Variants in KCNN2 observed in about 807,000 individuals in gnomAD.
KCNN2 encodes the protein potassium calcium-activated channel subfamily N member 2, also known as small conductance calcium-activated potassium channel protein 2.
A neutral mutation model predicts 55.5 loss-of-function variants in KCNN2; 24 were observed. The observed-to-expected ratio is 0.43, with a 90% CI of 0.31 to 0.61. KCNN2 has a LOEUF of 0.61. Among genes scored for constraint, KCNN2 ranks in the 20% least tolerant of loss-of-function variants. The pLI is 0.08. For missense variants in KCNN2, 754 were observed against 853.6 expected, an observed-to-expected ratio of 0.88 and a Z score of 1.45; for synonymous variants, 431 against 336.1, an observed-to-expected ratio of 1.28 and a Z score of -3.09.
At chr5:114,486,570 A>G in intron 5 of KCNN2, 1 of 298,188 alleles carries the variant, frequency 3.4e-6, no homozygotes, top group Non-Finnish European at 6.5e-6. Flanking sequence ...GGAGGCTATC[A>G]GTGCTGGATG....
At chr5:114,273,950 C>G (rs1054091879) in intron 2 of KCNN2, among the ~76,000 whole-genome samples, 2 of 152,160 alleles carry the variant, frequency 1.3e-5, no homozygotes, top group East Asian at 3.9e-4. Flanking sequence ...TGGTATTGCC[C>G]AGGTTTTCTT....
chr5:114,167,668 A>G (rs148972701), intron 1 of KCNN2, among the ~76,000 whole-genome samples: 195 of 152,242 alleles, frequency 1.3e-3, no homozygotes, highest in African/African-American at 4.3e-3. Flanking sequence ...GACCTGCCCC[A>G]TTTCAAAAAG....
chr5:114,219,610 A>G (rs1463496795), intron 1 of KCNN2, among the ~76,000 whole-genome samples: 1 of 152,038 alleles, frequency 6.6e-6, no homozygotes, highest in Admixed American at 6.6e-5. Context: ...GGGTTTTTAT[A>G]GGCACAGGAT....
At chr5:114,146,240 G>A (rs1752395636) in intron 1 of KCNN2, among the ~76,000 whole-genome samples, 1 of 152,112 alleles carries the variant, frequency 6.6e-6, no homozygotes, top group African/African-American at 2.4e-5. Flanking sequence ...AATTTAACAT[G>A]AGCAATGCCA....
intron 1 of KCNN2, among the ~76,000 whole-genome samples, chr5:114,081,453 T>A (rs1358180086): frequency 6.6e-6 from 1 of 152,172 alleles, no homozygotes; most frequent in Non-Finnish European, 1.5e-5. Flanking sequence ...ACCAATGGAA[T>A]AGAATAGAGC....
intron 4 of KCNN2, among the ~76,000 whole-genome samples, chr5:114,469,856 G>C (rs1025428554): frequency 1.3e-5 from 2 of 152,054 alleles, no homozygotes; most frequent in African/African-American, 4.8e-5. Context: ...ATTCTCTTAC[G>C]ATTTATTAAT....
At chr5:114,230,023 C>T (rs1195872945) in intron 2 of KCNN2, among the ~76,000 whole-genome samples, 1 of 151,912 alleles carries the variant, frequency 6.6e-6, no homozygotes, top group East Asian at 1.9e-4. Flanking sequence ...AACGAATAGA[C>T]CTAAAGGTGA....
At chr5:114,418,544 A>G (rs1759375555) in intron 3 of KCNN2, among the ~76,000 whole-genome samples, 2 of 150,612 alleles carry the variant, frequency 1.3e-5, no homozygotes, top group African/African-American at 4.9e-5. Flanking sequence ...AGCTGCCATC[A>G]TTGTCTGGGA....
chr5:114,441,308 A>C (rs1293517828), intron 3 of KCNN2, among the ~76,000 whole-genome samples: 1 of 152,236 alleles, frequency 6.6e-6, no homozygotes, highest in African/African-American at 2.4e-5. Flanking sequence ...TGATTTGAAT[A>C]ACACAGTTAA....
At chr5:114,069,694 G>A (rs1750527122) in intron 1 of KCNN2, among the ~76,000 whole-genome samples, 1 of 152,150 alleles carries the variant, frequency 6.6e-6, no homozygotes, top group Non-Finnish European at 1.5e-5. Flanking sequence ...TTCCAGTCCT[G>A]CCTCTACAGG....
At chr5:114,488,587 C>G (rs1747689168) in intron 6 of KCNN2, among the ~76,000 whole-genome samples, 2 of 152,082 alleles carry the variant, frequency 1.3e-5, no homozygotes, top group South Asian at 4.1e-4. Flanking sequence ...ATCTTGATTC[C>G]TTGAAGTTTA....
intron 1 of KCNN2, among the ~76,000 whole-genome samples, chr5:114,093,529 A>T (rs565785917): frequency 1.3e-5 from 2 of 152,210 alleles, no homozygotes; most frequent in South Asian, 4.2e-4. Context: ...CCATTTCCAT[A>T]CTGCTATAAA....
At chr5:114,370,139 AATT>A (rs1470033171) in intron 2 of KCNN2, among the ~76,000 whole-genome samples, 1 of 152,098 alleles carries the variant, frequency 6.6e-6, no homozygotes, top group Non-Finnish European at 1.5e-5. Context: ...GAGGGATCTT[AATT>A]ATTATTGGGC....
chr5:114,202,134 T>G (rs1253143751), intron 1 of KCNN2, among the ~76,000 whole-genome samples: 2 of 152,068 alleles, frequency 1.3e-5, no homozygotes, highest in Non-Finnish European at 2.9e-5. Context: ...GTAGACTCCC[T>G]AGTAGCTGGG....
chr5:114,232,943 C>A (rs1294268366), intron 2 of KCNN2, among the ~76,000 whole-genome samples: 8 of 7,396 alleles, frequency 1.1e-3, no homozygotes, highest in Non-Finnish European at 2.6e-3. Flanking sequence ...TTTTTTGAGA[C>A]GGAGTCTCGC....
intron 2 of KCNN2, among the ~76,000 whole-genome samples, chr5:114,292,713 T>C (rs915728336): frequency 6.6e-6 from 1 of 152,318 alleles, no homozygotes; most frequent in Middle Eastern, 3.4e-3. Context: ...AAGTAGTTTT[T>C]TCCAATTCTG....
chr5:114,295,140 C>T (rs1012383212), intron 2 of KCNN2, among the ~76,000 whole-genome samples: 3 of 152,180 alleles, frequency 2.0e-5, no homozygotes, highest in African/African-American at 7.2e-5. Context: ...AGTTAGGCTG[C>T]TCAGGGCTCA....
At chr5:114,212,887 T>G (rs1485396409) in intron 1 of KCNN2, among the ~76,000 whole-genome samples, 2 of 152,018 alleles carry the variant, frequency 1.3e-5, no homozygotes, top group Non-Finnish European at 2.9e-5. Flanking sequence ...TACGATAAAT[T>G]ATGTGAATGT....
chr5:114,102,613 A>C (rs771229019), intron 1 of KCNN2, among the ~76,000 whole-genome samples: 1 of 152,148 alleles, frequency 6.6e-6, no homozygotes, highest in Non-Finnish European at 1.5e-5. Flanking sequence ...TAATTTTTGT[A>C]TAAGGTGTAA....
Sources: allele counts gnomAD v4.1 joint callset (sites outside exome capture counted in the v4.1 genomes callset), GRCh38; gene constraint gnomAD v4.1.1; transcripts MANE v1.5; gene names NCBI Gene and HGNC (gene_info 2026-07-23, HGNC 2026-07-21).